The following HDAC7 variants were observed in gnomAD, a reference collection of about 807,000 sequenced individuals.
HDAC7 encodes the protein histone deacetylase 7, also known as histone deacetylase 7A.
A neutral mutation model predicts 115.5 loss-of-function variants in HDAC7; 26 were observed. The ratio of observed to expected loss-of-function variants is 0.23; its 90% CI spans 0.16 to 0.31. HDAC7 has a LOEUF of 0.31. Among genes scored for constraint, HDAC7 ranks in the 10% least tolerant of loss-of-function variants. The pLI is 1.00. For missense variants in HDAC7, 1,068 were observed against 1,329.0 expected, an observed-to-expected ratio of 0.80 and a Z score of 3.05; for synonymous variants, 564 against 550.9, an observed-to-expected ratio of 1.02 and a Z score of -0.33.
rs200778242 is a variant in HDAC7, at chr12:47,788,153, A to G, written c.2247T>C (p.His749=). The change falls in exon 20 of 26, where the codon CAT becomes CAC. Residue 749 remains histidine (H), a synonymous_variant. Transcript: ENST00000080059. ...AGAAGGTTTGCTGGGTGCCGTTGCC[A>G]TGGTGCACGTCCTGTGTAGGGAGAC... ...KILIVDWDVH[H]GNGTQQTFYQ... The G allele has an allele frequency of 3.4e-5, 54 of 1,611,066 alleles. No homozygotes were observed. Among genetic ancestry groups the G allele is most frequent in the Non-Finnish European group, 4.2e-5 (50 of 1,178,290 alleles).
At chr12:47,804,295 T>C (rs1374183057) in intron 1 of HDAC7, among the ~76,000 whole-genome samples, 1 of 152,172 alleles carries the variant, frequency 6.6e-6, no homozygotes, top group East Asian at 1.9e-4. Flanking sequence ...CCTGGCCCCG[T>C]GCTGAGGGCC....
chr12:47,789,044 G>A (rs1289275297), intron 19 of HDAC7: 8 of 565,112 alleles, frequency 1.4e-5, no homozygotes, highest in Non-Finnish European at 2.5e-5. Flanking sequence ...ACTCGTTGCA[G>A]GGGTTTGCGA....
chr12:47,795,988 T>TGGAGCC lies in HDAC7; in HGVS notation c.823_824insGGCTCC (p.Arg273_Leu274dup), dbSNP rs1468573635. 3 of 1,549,598 alleles carry TGGAGCC rather than the reference T, an allele frequency of 1.9e-6. No homozygotes were observed. The highest frequency in any genetic ancestry group is 8.7e-7 in the Non-Finnish European group (1 of 1,147,004). ...GGCGAACGGGGCCACAGAAGTCTCC[T>TGGAGCC]GCAGCCGCAGCCGCTGGCCCAAGAG... is the stretch of plus-strand genomic sequence containing the variant. On this transcript the variant is annotated inframe_insertion, in exon 9 of 26. Transcript: ENST00000080059. The surrounding 1 kb of genome is among the most constrained non-coding windows in gnomAD (Gnocchi z 4.3).
At position 47,798,453 on chromosome 12, in the gene HDAC7, C is replaced by T; in HGVS notation, c.349+109G>A. The T allele has an allele frequency of 9.9e-7, 1 of 1,010,276 alleles. No homozygotes were observed. The highest frequency in any genetic ancestry group is 1.5e-6 in the Non-Finnish European group (1 of 657,630). The allele number at this position is 1,010,276 out of a possible 1,614,324, so 62.6% of individuals were successfully genotyped here. ...GGCAAGCAGAGGGAAAGCCTCGGCT[C>T]AGGCCCAGCTGGCTGCGGCCCTCCC... On this transcript the variant is annotated intron_variant, in intron 4 of 25. Coordinates refer to ENST00000080059, the MANE Select transcript of HDAC7 (RefSeq NM_015401.5). This position sits in a 1 kb window ranked among gnomAD's most constrained non-coding sequence, Gnocchi z 4.3.
In HDAC7 at chr12:47,798,111, T is replaced by C. The variant is rs1420687324; in HGVS notation, c.458A>G (p.Tyr153Cys). 15 of 1,611,542 alleles carry C rather than the reference T, an allele frequency of 9.3e-6. No homozygotes were observed. The East Asian group carries it at 3.1e-4, about 34-fold the overall frequency. ...TVHPNSPGIPYRTLEPLETEG... is the reference protein window; with the variant it reads ...TVHPNSPGIPCRTLEPLETEG... ...GGGCAGGTGAGGAGGGTGTTACCTG[T>C]AGGGAATGCCGGGGCTGTTGGGATG... Residue 153 changes from tyrosine to cysteine, a missense_variant, in exon 5 of 26, where the codon TAC becomes TGC. Transcript: ENST00000080059. The surrounding 1 kb of genome is among the most constrained non-coding windows in gnomAD (Gnocchi z 4.3).
Position 47,791,659 on chromosome 12 carries a change from G to A in HDAC7, c.1860C>T (p.His620=). The change falls in exon 15 of 26, where the codon CAC becomes CAT. Residue 620 remains histidine, a synonymous_variant. Transcript: ENST00000080059. ...KASLEELQSV[H]SERHVLLYGT... The stretch of plus-strand genomic sequence containing the variant: ...CGTAGAGGAGCACGTGCCGCTCAGA[G>A]TGGACCGACTGCAGCTCTTCCAGGG... The A allele has an allele frequency of 6.2e-7, 1 of 1,613,716 alleles. No individual in the cohort carries two copies. The highest frequency in any genetic ancestry group is 8.5e-7 in the Non-Finnish European group (1 of 1,179,968).
chr12:47,795,551 G>A lies in HDAC7; in HGVS notation c.1087+36C>T. The A allele has an allele frequency of 6.5e-7, 1 of 1,544,564 alleles. No homozygotes were observed. The highest frequency in any genetic ancestry group is 8.7e-7 in the Non-Finnish European group (1 of 1,143,886). On this transcript the variant is annotated intron_variant, in intron 10 of 25. Coordinates refer to ENST00000080059, the MANE Select transcript of HDAC7 (RefSeq NM_015401.5). This position sits in a 1 kb window ranked among gnomAD's most constrained non-coding sequence, Gnocchi z 4.3. Reference sequence around the variant, plus strand: ...AGCTTGGCTCTTAGCAGGGTGCAGGGACCCAGCCCCTTCCCTGAAGAAGCA... The same window carrying A: ...AGCTTGGCTCTTAGCAGGGTGCAGGAACCCAGCCCCTTCCCTGAAGAAGCA...
rs1366702109 is a variant in HDAC7, at chr12:47,787,233, T to A, written c.2453+479A>T. Among the ~76,000 whole-genome samples, 4 of 57,546 alleles carry A rather than the reference T, an allele frequency of 7.0e-5. No homozygotes were observed. In the East Asian group the frequency reaches 4.6e-3, roughly 66 times the overall value. The allele number at this position is 57,546 out of a possible 152,430, so 37.8% of individuals were successfully genotyped here. A position where few individuals can be genotyped will look rare whatever the true frequency, so the allele number is the denominator to read the frequency against. ...GCTACATTCTCTCATCCTCTCCCTC[T>A]TCCAGGCCCCCCCCCAGCTGCCTTC... is the stretch of plus-strand genomic sequence containing the variant. On this transcript the variant is annotated intron_variant, in intron 21 of 25. Coordinates refer to ENST00000080059, the MANE Select transcript of HDAC7 (RefSeq NM_015401.5).
chr12:47,792,823 G>A, intron 13 of HDAC7: 2 of 383,350 alleles, frequency 5.2e-6, no homozygotes, highest in Non-Finnish European at 1.0e-5. Context: ...GACTAATTAT[G>A]CCAAGAAGGA....
intron 17 of HDAC7, 79 bp downstream of exon 17, chr12:47,789,734 G>A (rs1592637848): frequency 7.3e-7 from 1 of 1,376,382 alleles, no homozygotes. Flanking sequence ...CGATGCCTGG[G>A]GTTCTGGGCC....
chr12:47,788,422 GC>G (rs1943293689), intron 19 of HDAC7: 1 of 320,794 alleles, frequency 3.1e-6, no homozygotes, highest in African/African-American at 2.1e-5. Context: ...TCTCAGGCCA[GC>G]CCACCTGAGA....
At chr12:47,801,565 T>C (rs2525053) in intron 2 of HDAC7, among the ~76,000 whole-genome samples, 53,791 of 152,026 alleles carry the variant, frequency 0.35, 10,549 homozygotes, top group African/African-American at 0.51. Flanking sequence ...GATACCTGGG[T>C]TCCATTTCTC....
chr12:47,798,779 C>G lies in HDAC7; in HGVS notation c.258+6G>C. ...TGGCCCCACATGCAGGGAGCTCCAT[C>G]TTTACCCTCATGGGCTCCACCGAGC... On this transcript the variant is annotated splice_donor_region_variant and intron_variant, in intron 3 of 25. Transcript: ENST00000080059. This position sits in a 1 kb window ranked among gnomAD's most constrained non-coding sequence, Gnocchi z 4.3. 1 of 1,555,386 alleles carries G rather than the reference C, an allele frequency of 6.4e-7. No homozygotes were observed.
chr12:47,818,236 C>G (rs980927863), intron 1 of HDAC7, among the ~76,000 whole-genome samples: 10 of 152,122 alleles, frequency 6.6e-5, no homozygotes, highest in Non-Finnish European at 1.5e-4. Flanking sequence ...CAGGACCATT[C>G]CAGGTGCAAC....
At chr12:47,802,467 G>A (rs1406987894) in intron 1 of HDAC7, 193 bp from the exon 2 acceptor site, 1 of 1,551,274 alleles carries the variant, frequency 6.4e-7, no homozygotes, top group East Asian at 2.4e-5. Flanking sequence ...CCCTGCTGGT[G>A]AAAAGGGCTC....
Position 47,793,575 on chromosome 12 carries a change from T to A in HDAC7, c.1472A>T (p.Glu491Val), listed in dbSNP as rs1943651653. 5 of 1,541,786 alleles carry A rather than the reference T, an allele frequency of 3.2e-6. No individual in the cohort carries two copies. Among genetic ancestry groups the A allele is most frequent in the African/African-American group, 1.4e-5 (1 of 72,966 alleles). Residue 491 changes from glutamate (E) to valine (V), a missense_variant, in exon 13 of 26, where the codon GAA becomes GTA. Glu to Val is a moderately radical substitution (Grantham distance 121). Transcript: ENST00000080059. This position sits in a 1 kb window ranked among gnomAD's most constrained non-coding sequence, Gnocchi z 4.5. Reference sequence around the variant, plus strand: ...GAGCCGCCCAGCCAGTCGCTGCTGTTCCCAGAGCAACACCTAGGGGAAAGA... The same window carrying A: ...GAGCCGCCCAGCCAGTCGCTGCTGTACCCAGAGCAACACCTAGGGGAAAGA... ...LQQHPQVLLWEQQRLAGRLPR... is the reference protein window; with the variant it reads ...LQQHPQVLLWVQQRLAGRLPR...
In HDAC7 at chr12:47,793,310, C is replaced by T. The variant is rs1165353725; in HGVS notation, c.1678+59G>A. 1.5e-6 allele frequency: 2 copies of T among 1,297,090 alleles called. No homozygotes were observed. The allele number at this position is 1,297,090 out of a possible 1,614,324, so 80.3% of individuals were successfully genotyped here. ...ATGTCCCAAGTGACACCAAGACACC[C>T]ACATGGACTCGTGCAGCCGAGCCCC... On this transcript the variant is annotated intron_variant, in intron 13 of 25. Transcript: ENST00000080059. The surrounding 1 kb of genome is among the most constrained non-coding windows in gnomAD (Gnocchi z 4.5).
chr12:47,799,982 A>G (rs1365684962), intron 2 of HDAC7, among the ~76,000 whole-genome samples: 1 of 152,178 alleles, frequency 6.6e-6, no homozygotes, highest in Non-Finnish European at 1.5e-5. Flanking sequence ...AACGCTGGGC[A>G]TCTCCCAGTG....
At chr12:47,792,613 C>T (rs1377682863) in intron 13 of HDAC7, 2 of 455,758 alleles carry the variant, frequency 4.4e-6, no homozygotes, top group Admixed American at 2.4e-5. Context: ...AGGACACCAA[C>T]GACTCTCAAA....
Sources: gnomAD v4.1 joint callset for allele counts (sites outside exome capture counted in the v4.1 genomes callset) on GRCh38, gnomAD v4.1.1 for gene constraint, Gnocchi (gnomAD v3.1) non-coding constraint, MANE v1.5 for transcripts, NCBI Gene and HGNC (gene_info 2026-07-23, HGNC 2026-07-21) for gene names.